Variants in SEPTIN14 observed in about 807,000 individuals in gnomAD.
SEPTIN14 encodes septin-14.
In SEPTIN14, 40 loss-of-function variants were observed where a neutral mutation model predicts 53.6. The observed-to-expected ratio is 0.75, with a 90% confidence interval of 0.58 to 0.97. The LOEUF (loss-of-function observed/expected upper bound fraction) is 0.97, where lower values mean the gene tolerates loss of function less well. SEPTIN14 is among the 50% of genes least tolerant of loss of function. The probability of loss-of-function intolerance (pLI) is 0.00; values close to 1 mark genes in which losing one functional copy is unlikely to be tolerated. For synonymous variants in SEPTIN14, 138 were observed against 166.8 expected, an observed-to-expected ratio of 0.83 and a Z score of 1.33; for missense variants, 471 against 508.2, an observed-to-expected ratio of 0.93 and a Z score of 0.70.
At chr7:55,813,114 T>A (rs1333592329) in intron 7 of SEPTIN14, among the ~76,000 whole-genome samples, 1 of 152,092 alleles carries the variant, frequency 6.6e-6, no homozygotes, top group Non-Finnish European at 1.5e-5. Context: ...TATGCCCAGC[T>A]AATTTTTGTA....
At chr7:55,813,276 C>T (rs1788736154) in intron 7 of SEPTIN14, among the ~76,000 whole-genome samples, 1 of 152,098 alleles carries the variant, frequency 6.6e-6, no homozygotes, top group Non-Finnish European at 1.5e-5. Flanking sequence ...CTAGCTCCCA[C>T]TAAAGAGGAA....
chr7:55,799,888 C>A (rs1273463620), intron 9 of SEPTIN14, among the ~76,000 whole-genome samples: 2 of 151,352 alleles, frequency 1.3e-5, no homozygotes, highest in African/African-American at 4.8e-5. Flanking sequence ...ACCCAATAGA[C>A]CAAATAGGCA....
intron 2 of SEPTIN14, among the ~76,000 whole-genome samples, chr7:55,854,011 C>A (rs1302585235): frequency 1.3e-5 from 2 of 152,000 alleles, no homozygotes; most frequent in Non-Finnish European, 2.9e-5. Flanking sequence ...GTCCCAGCTA[C>A]TCTGGAGGCT....
intron 6 of SEPTIN14, 143 bp downstream of exon 6, chr7:55,834,282 A>C: frequency 1.8e-6 from 1 of 555,272 alleles, no homozygotes; most frequent in South Asian, 3.5e-5. Flanking sequence ...ATGCTGTATG[A>C]ATTAAATCTA....
In SEPTIN14 at chr7:55,794,423, G is replaced by A. The variant is rs568183831; in HGVS notation, c.*1490C>T. ...ATCTACATTTTTAATGTATGCATAT[G>A]GCATAGCTAATGTACTATTGCTGGG... On this transcript the variant is annotated 3_prime_UTR_variant, in exon 10 of 10. Coordinates refer to ENST00000388975, the MANE Select transcript of SEPTIN14 (RefSeq NM_207366.3). 1.1e-4 allele frequency: 16 copies of A among 152,158 alleles called. No individual in the cohort carries two copies. Among genetic ancestry groups the A allele is most frequent in the African/African-American group, 3.4e-4 (14 of 41,514 alleles). 9.4% of individuals were successfully genotyped at this position (152,158 alleles called of 1,614,324 possible).
chr7:55,825,330 G>T (rs1214425375), intron 6 of SEPTIN14, among the ~76,000 whole-genome samples: 3 of 152,160 alleles, frequency 2.0e-5, no homozygotes, highest in African/African-American at 7.2e-5. Context: ...AGTTGCCAAG[G>T]GTAAAGGGAA....
At chr7:55,842,659 TC>T (rs1789332866) in intron 5 of SEPTIN14, among the ~76,000 whole-genome samples, 1 of 150,238 alleles carries the variant, frequency 6.7e-6, no homozygotes, top group South Asian at 2.1e-4. Flanking sequence ...ACACCTGTAA[TC>T]CCAGCACTCT....
At chr7:55,810,201 C>T (rs1788677067) in intron 7 of SEPTIN14, among the ~76,000 whole-genome samples, 1 of 146,824 alleles carries the variant, frequency 6.8e-6, no homozygotes, top group South Asian at 2.2e-4. Context: ...TTCGCATTTT[C>T]CTGATGTTTT....
chr7:55,818,350 T>C (rs1203778702), intron 7 of SEPTIN14, among the ~76,000 whole-genome samples: 4 of 151,256 alleles, frequency 2.6e-5, no homozygotes, highest in African/African-American at 7.3e-5. Flanking sequence ...CAAGCGCATG[T>C]AATCCCAGCT....
chr7:55,812,517 C>T (rs961220352), intron 7 of SEPTIN14, among the ~76,000 whole-genome samples: 5 of 152,122 alleles, frequency 3.3e-5, no homozygotes, highest in Non-Finnish European at 7.4e-5. Context: ...CAGTGATCTA[C>T]GGCACTGTAT....
intron 7 of SEPTIN14, among the ~76,000 whole-genome samples, chr7:55,818,440 C>T (rs1788832294): frequency 6.9e-6 from 1 of 145,792 alleles, no homozygotes; most frequent in South Asian, 2.2e-4. Context: ...CCACTGCACT[C>T]CAGCCTGGGC....
chr7:55,842,494 T>G (rs1443233325), intron 5 of SEPTIN14, among the ~76,000 whole-genome samples: 1 of 151,540 alleles, frequency 6.6e-6, no homozygotes, highest in Admixed American at 6.6e-5. Flanking sequence ...TCCCAGTTGC[T>G]CGGATGGCTA....
At chr7:55,836,531 G>C (rs1233063678) in intron 5 of SEPTIN14, among the ~76,000 whole-genome samples, 4 of 152,156 alleles carry the variant, frequency 2.6e-5, no homozygotes, top group Non-Finnish European at 5.9e-5. Flanking sequence ...CTGGGGCCAG[G>C]AGTTCAAGAC....
intron 6 of SEPTIN14, among the ~76,000 whole-genome samples, chr7:55,825,971 A>T (rs867490169): frequency 6.6e-6 from 1 of 151,792 alleles, no homozygotes; most frequent in African/African-American, 2.4e-5. Context: ...GCGTGGTGGC[A>T]GGCGCCTGTA....
intron 9 of SEPTIN14, among the ~76,000 whole-genome samples, chr7:55,796,995 TG>T (rs1299325844): frequency 3.3e-5 from 5 of 151,978 alleles, no homozygotes; most frequent in Non-Finnish European, 5.9e-5. Flanking sequence ...TGGTGGTACA[TG>T]CCTGTAGTCC....
chr7:55,852,521 A>C (rs1031961995), intron 2 of SEPTIN14, among the ~76,000 whole-genome samples: 1 of 152,160 alleles, frequency 6.6e-6, no homozygotes, highest in East Asian at 1.9e-4. Flanking sequence ...ATCTCTTATC[A>C]TATATAAAAA....
chr7:55,846,034 G>A, intron 3 of SEPTIN14, among the ~76,000 whole-genome samples: 1 of 57,908 alleles, frequency 1.7e-5, no homozygotes, highest in African/African-American at 4.9e-5. Context: ...GGGCAACAGA[G>A]CAAGACTCCG....
At chr7:55,811,383 A>G (rs1289383591) in intron 7 of SEPTIN14, 2 of 494,640 alleles carry the variant, frequency 4.0e-6, no homozygotes, top group Non-Finnish European at 8.2e-6. Flanking sequence ...GGTCTTGGCC[A>G]CCCAACTACT....
intron 9 of SEPTIN14, among the ~76,000 whole-genome samples, chr7:55,801,374 G>T (rs1197298425): frequency 6.6e-6 from 1 of 151,930 alleles, no homozygotes; most frequent in African/African-American, 2.4e-5. Context: ...TGACACCAAA[G>T]AAATACAAAT....
Sources: gnomAD v4.1 joint callset for allele counts (sites outside exome capture counted in the v4.1 genomes callset) on GRCh38, gnomAD v4.1.1 for gene constraint, MANE v1.5 for transcripts, NCBI Gene and HGNC (gene_info 2026-07-23, HGNC 2026-07-21) for gene names.